ESRP1: variants seen among roughly 807,000 people sequenced by gnomAD.
ESRP1 encodes the protein epithelial splicing regulatory protein 1, also known as RNA-binding motif protein 35A.
Under a neutral mutation model 81.7 loss-of-function variants are expected in ESRP1, and 33 were observed. The ratio of observed to expected loss-of-function variants is 0.40; its 90% CI spans 0.31 to 0.54. The LOEUF (loss-of-function observed/expected upper bound fraction) is 0.54. Ranked by LOEUF, ESRP1 falls within the 20% of genes least tolerant of loss-of-function variation. The pLI, the probability that ESRP1 is intolerant of heterozygous loss-of-function variation, is 0.41. For synonymous variants in ESRP1, 320 were observed against 303.3 expected, an observed-to-expected ratio of 1.06 and a Z score of -0.57; for missense variants, 672 against 833.1, an observed-to-expected ratio of 0.81 and a Z score of 2.38.
At chr8:94,692,044 C>T (rs997830788) in intron 13 of ESRP1, among the ~76,000 whole-genome samples, 1 of 152,058 alleles carries the variant, frequency 6.6e-6, no homozygotes, top group Non-Finnish European at 1.5e-5. Context: ...TGCAGATATA[C>T]CGGAAGACCC....
At chr8:94,667,068 G>GGGGTGTGTGTATGTGTGT (rs1554577644) in intron 9 of ESRP1, among the ~76,000 whole-genome samples, 1 of 144,244 alleles carries the variant, frequency 6.9e-6, no homozygotes, top group Non-Finnish European at 1.5e-5. Context: ...CCAGGAGAGG[G>GGGGTGTGTGTATGTGTGT]GTGTGTGTGT....
intron 4 of ESRP1, among the ~76,000 whole-genome samples, chr8:94,656,513 G>A (rs947448744): frequency 6.6e-6 from 1 of 152,196 alleles, no homozygotes; most frequent in Non-Finnish European, 1.5e-5. Flanking sequence ...GAGCCACCAC[G>A]CCCGGCCCAT....
intron 9 of ESRP1, 117 bp downstream of exon 9, chr8:94,665,313 C>A: frequency 1.0e-6 from 1 of 1,001,410 alleles, no homozygotes. Context: ...TCTAATGGAA[C>A]ATGGGAATAG....
At chr8:94,649,205 T>TA (rs1306248408) in intron 4 of ESRP1, among the ~76,000 whole-genome samples, 4 of 151,866 alleles carry the variant, frequency 2.6e-5, no homozygotes, top group Admixed American at 6.6e-5. Flanking sequence ...GAGTGAGATT[T>TA]AAAAAAAAAT....
chr8:94,678,103 T>C, intron 12 of ESRP1, 100 bp from the exon 13 acceptor site: 4 of 1,293,814 alleles, frequency 3.1e-6, no homozygotes, highest in Non-Finnish European at 4.3e-6. Flanking sequence ...GTCTCTTTCT[T>C]TAAAATGTGT....
At chr8:94,662,592 C>CTTT in intron 6 of ESRP1, 37 bp downstream of exon 6, 4 of 1,366,426 alleles carry the variant, frequency 2.9e-6, no homozygotes, top group East Asian at 2.6e-5. Context: ...AGCTTTTTAA[C>CTTT]TTGTTTTTTT....
intron 4 of ESRP1, among the ~76,000 whole-genome samples, chr8:94,657,472 C>CGTGTGTGTGTGTGTGTGTGTGT (rs9297944): frequency 2.1e-5 from 3 of 146,156 alleles, no homozygotes; most frequent in Admixed American, 6.8e-5. Context: ...AGGCTGTGTG[C>CGTGTGTGTGTGTGTGTGTGTGT]GTGTGTGTGT....
At chr8:94,665,859 A>T (rs902844403) in intron 9 of ESRP1, among the ~76,000 whole-genome samples, 1 of 152,292 alleles carries the variant, frequency 6.6e-6, no homozygotes, top group South Asian at 2.1e-4. Flanking sequence ...AATACCTGGG[A>T]TTGTTGCACA....
rs777203177 is a variant in ESRP1 at position 94,678,381 on chromosome 8, T to C, written c.1820+10T>C. 6.2e-7 allele frequency: 1 copy of C among 1,607,116 alleles called. No homozygotes were observed. The highest frequency in any genetic ancestry group is 8.5e-7 in the Non-Finnish European group (1 of 1,175,990). On this transcript the variant is annotated intron_variant, in intron 13 of 15. Coordinates refer to ENST00000433389, the MANE Select transcript of ESRP1 (RefSeq NM_017697.4). ...CAGCGTACTATCCCAGGTAAGGCTCTGACAGAGGTGGAAATGAGGGGCAGA... is the reference window on the plus strand; with the variant it reads ...CAGCGTACTATCCCAGGTAAGGCTCCGACAGAGGTGGAAATGAGGGGCAGA...
At chr8:94,699,081 T>G (rs1021761674) in intron 15 of ESRP1, among the ~76,000 whole-genome samples, 1 of 152,218 alleles carries the variant, frequency 6.6e-6, no homozygotes, top group Non-Finnish European at 1.5e-5. Context: ...CCATGTTGTT[T>G]ATGAATTTGA....
intron 9 of ESRP1, among the ~76,000 whole-genome samples, chr8:94,667,704 C>G (rs66641010): frequency 2.0e-5 from 3 of 152,114 alleles, no homozygotes; most frequent in African/African-American, 2.4e-5. Flanking sequence ...CAATGACTTA[C>G]TAGTGATTGG....
chr8:94,668,552 G>A (rs759746145), intron 10 of ESRP1, among the ~76,000 whole-genome samples: 15 of 152,126 alleles, frequency 9.9e-5, no homozygotes, highest in Non-Finnish European at 1.8e-4. Context: ...ATATCTCATG[G>A]AAGTGCATAC....
chr8:94,656,157 A>G (rs939855798), intron 4 of ESRP1: 43 of 149,784 alleles, frequency 2.9e-4, no homozygotes, highest in African/African-American at 1.0e-3. Context: ...GATCGCACCT[A>G]TGAATAGCCA....
rs755384250 is a variant in ESRP1, at chr8:94,664,120, C to CTTTTTT, written c.645-561_645-556dup. Among the ~76,000 whole-genome samples the CTTTTTT allele has an allele frequency of 2.0e-3, 202 of 98,540 alleles. 2 individuals are homozygous for CTTTTTT. The highest frequency in any genetic ancestry group is 7.2e-3 in the African/African-American group (195 of 27,204). 64.6% of individuals were successfully genotyped at this position (98,540 alleles called of 152,430 possible). A position where few individuals can be genotyped will look rare whatever the true frequency, so the allele number is the denominator to read the frequency against. ...GGGTGCCAAGCAAACATTTCCTCAG[C>CTTTTTT]TTTTTTTTTTTTTTTTTTTTTGAGA... On this transcript the variant is annotated intron_variant, in intron 6 of 15. Coordinates refer to ENST00000433389, the MANE Select transcript of ESRP1 (RefSeq NM_017697.4).
At chr8:94,641,867 GGCCGCCCCAGCAGGGGA>G in intron 1 of ESRP1, 72 bp from the exon 2 acceptor site, 1 of 1,553,366 alleles carries the variant, frequency 6.4e-7, no homozygotes, top group Admixed American at 1.8e-5. Flanking sequence ...GAGAGGCGCG[GGCCGCCCCAGCAGGGGA>G]GCGAGGGAGG....
chr8:94,649,701 TG>T (rs1298917110), intron 4 of ESRP1: 1 of 152,098 alleles, frequency 6.6e-6, no homozygotes, highest in Non-Finnish European at 1.5e-5. Flanking sequence ...TTAGTAGAGA[TG>T]GGGTTTCACC....
chr8:94,691,741 C>G (rs550915337), intron 13 of ESRP1, among the ~76,000 whole-genome samples: 2 of 151,988 alleles, frequency 1.3e-5, no homozygotes, highest in Non-Finnish European at 2.9e-5. Context: ...CAATTACCAA[C>G]TCAGAAAGAT....
intron 14 of ESRP1, among the ~76,000 whole-genome samples, chr8:94,693,228 A>C (rs781387932): frequency 6.6e-6 from 1 of 152,276 alleles, no homozygotes; most frequent in Non-Finnish European, 1.5e-5. Context: ...TTTAAAGGTG[A>C]GTATTTAAAC....
chr8:94,675,221 A>C (rs1263464433), intron 12 of ESRP1, among the ~76,000 whole-genome samples: 1 of 152,220 alleles, frequency 6.6e-6, no homozygotes, highest in East Asian at 1.9e-4. Context: ...TGATGTTAAA[A>C]TTTGAGTCTT....
Sources: allele counts gnomAD v4.1 joint callset (sites outside exome capture counted in the v4.1 genomes callset), GRCh38; gene constraint gnomAD v4.1.1; transcripts MANE v1.5; gene names NCBI Gene and HGNC (gene_info 2026-07-23, HGNC 2026-07-21).